MACROD2: variants seen among roughly 807,000 people sequenced by gnomAD.
MACROD2 encodes the protein ADP-ribose glycohydrolase MACROD2.
In MACROD2, 36 loss-of-function variants were observed where a neutral mutation model predicts 70.4. The observed-to-expected ratio is 0.51, with a 90% confidence interval of 0.39 to 0.68. The LOEUF (loss-of-function observed/expected upper bound fraction) is 0.68, where lower values mean the gene tolerates loss of function less well. Ranked by LOEUF, MACROD2 falls within the 30% of genes least tolerant of loss-of-function variation. MACROD2 has a pLI of 0.00. For missense variants in MACROD2, 496 were observed against 538.4 expected, an observed-to-expected ratio of 0.92 and a Z score of 0.78; for synonymous variants, 172 against 178.8, an observed-to-expected ratio of 0.96 and a Z score of 0.30.
At chr20:15,890,404 CAT>C (rs1457720079) in intron 10 of MACROD2, among the ~76,000 whole-genome samples, 1 of 152,186 alleles carries the variant, frequency 6.6e-6, no homozygotes, top group Non-Finnish European at 1.5e-5. Flanking sequence ...ATTGCAGTGA[CAT>C]AGAAGGGTTA....
At chr20:15,745,173 A>G (rs1488317105) in intron 8 of MACROD2, among the ~76,000 whole-genome samples, 1 of 152,210 alleles carries the variant, frequency 6.6e-6, no homozygotes, top group Non-Finnish European at 1.5e-5. Context: ...ATGTTTAGCA[A>G]ATATAAATAT....
chr20:15,659,859 C>T (rs1173031181), intron 8 of MACROD2, among the ~76,000 whole-genome samples: 1 of 152,102 alleles, frequency 6.6e-6, no homozygotes, highest in Non-Finnish European at 1.5e-5. Context: ...GGGAGGCCTT[C>T]CTTAACTTTC....
intron 9 of MACROD2, among the ~76,000 whole-genome samples, chr20:15,876,109 A>ATATATATGTATATATATATATATATG (rs57817982): frequency 8.0e-6 from 1 of 124,466 alleles, no homozygotes; most frequent in East Asian, 2.9e-4. Flanking sequence ...ATATATATAT[A>ATATATATGTATATATATATATATATG]TATGTGTGTA....
intron 5 of MACROD2, among the ~76,000 whole-genome samples, chr20:14,719,776 T>A (rs993149742): frequency 6.6e-6 from 1 of 152,186 alleles, no homozygotes; most frequent in Non-Finnish European, 1.5e-5. Context: ...TTACTTCTAA[T>A]TCGAGGCCTA....
At chr20:14,310,602 T>C (rs1182959284) in intron 3 of MACROD2, among the ~76,000 whole-genome samples, 1 of 152,228 alleles carries the variant, frequency 6.6e-6, no homozygotes, top group African/African-American at 2.4e-5. Context: ...TACTAGTTTA[T>C]GTATTTACTA....
intron 6 of MACROD2, among the ~76,000 whole-genome samples, chr20:15,389,542 G>A (rs2045764541): frequency 6.6e-6 from 1 of 152,118 alleles, no homozygotes; most frequent in Non-Finnish European, 1.5e-5. Flanking sequence ...CTCCCCTGGG[G>A]GTTCTGTAGA....
intron 6 of MACROD2, among the ~76,000 whole-genome samples, chr20:15,407,690 G>T (rs983480295): frequency 6.6e-6 from 1 of 152,006 alleles, no homozygotes; most frequent in East Asian, 1.9e-4. Flanking sequence ...CACAAAATGG[G>T]GTCAGTGATA....
chr20:14,238,852 C>T (rs778006479), intron 3 of MACROD2, among the ~76,000 whole-genome samples: 31 of 151,828 alleles, frequency 2.0e-4, no homozygotes, highest in Non-Finnish European at 3.5e-4. Context: ...TATGGTAAAA[C>T]CTCGTCTCTA....
At chr20:14,332,252 T>G (rs2082857658) in intron 3 of MACROD2, among the ~76,000 whole-genome samples, 1 of 152,114 alleles carries the variant, frequency 6.6e-6, no homozygotes, top group Non-Finnish European at 1.5e-5. Context: ...AGCTTCCAAT[T>G]TATTTCCATG....
intron 3 of MACROD2, among the ~76,000 whole-genome samples, chr20:14,186,658 G>T (rs1419734246): frequency 6.6e-6 from 1 of 152,130 alleles, no homozygotes; most frequent in East Asian, 1.9e-4. Context: ...TATGTTCATT[G>T]CAGCACTATT....
At chr20:15,135,395 C>CAAG (rs1257912811) in intron 5 of MACROD2, among the ~76,000 whole-genome samples, 1 of 151,492 alleles carries the variant, frequency 6.6e-6, no homozygotes, top group Non-Finnish European at 1.5e-5. Flanking sequence ...CCCTGGGATG[C>CAAG]AAGGCTGGTT....
At chr20:15,759,145 C>CAA (rs57212358) in intron 8 of MACROD2, among the ~76,000 whole-genome samples, 690 of 58,764 alleles carry the variant, frequency 0.012, 39 homozygotes, top group East Asian at 0.035. Flanking sequence ...GACTCCATCT[C>CAA]AAAAAAAAAA....
intron 4 of MACROD2, among the ~76,000 whole-genome samples, chr20:14,539,529 A>G (rs2085405509): frequency 6.6e-6 from 1 of 152,180 alleles, no homozygotes; most frequent in Non-Finnish European, 1.5e-5. Flanking sequence ...CCTGAAAACC[A>G]GCTATTAATG....
chr20:14,016,079 C>T (rs1208413997), intron 2 of MACROD2, among the ~76,000 whole-genome samples: 1 of 152,182 alleles, frequency 6.6e-6, no homozygotes. Flanking sequence ...ATTTTACATT[C>T]CAACCGCCAG....
chr20:14,943,300 T>C (rs745961821), intron 5 of MACROD2, among the ~76,000 whole-genome samples: 1 of 152,176 alleles, frequency 6.6e-6, no homozygotes, highest in Non-Finnish European at 1.5e-5. Flanking sequence ...ATGTTAAATG[T>C]CTACATTTAA....
intron 5 of MACROD2, among the ~76,000 whole-genome samples, chr20:15,167,778 A>G (rs924268102): frequency 1.3e-5 from 2 of 152,154 alleles, no homozygotes; most frequent in Non-Finnish European, 2.9e-5. Context: ...AGTTCTGACA[A>G]CCTGATGTTC....
chr20:14,454,854 G>A (rs1220393684), intron 3 of MACROD2, among the ~76,000 whole-genome samples: 3 of 146,886 alleles, frequency 2.0e-5, no homozygotes, highest in Non-Finnish European at 3.0e-5. Flanking sequence ...CCGGGCTCAC[G>A]CCATTCTCCT....
chr20:15,955,950 G>A (rs1437218780), intron 12 of MACROD2, among the ~76,000 whole-genome samples: 1 of 151,810 alleles, frequency 6.6e-6, no homozygotes, highest in African/African-American at 2.4e-5. Context: ...TGTACCCCAG[G>A]ACTTATAATA....
chr20:14,409,637 G>C (rs775116916), intron 3 of MACROD2, among the ~76,000 whole-genome samples: 6 of 152,098 alleles, frequency 3.9e-5, no homozygotes, highest in Non-Finnish European at 7.4e-5. Context: ...CTTTGAGTCA[G>C]CTGTCCCATA....
Sources: gnomAD v4.1 joint callset for allele counts (sites outside exome capture counted in the v4.1 genomes callset) on GRCh38, gnomAD v4.1.1 for gene constraint, MANE v1.5 for transcripts, NCBI Gene and HGNC (gene_info 2026-07-23, HGNC 2026-07-21) for gene names.